LBH: variants seen among roughly 807,000 people sequenced by gnomAD.
LBH encodes protein LBH.
Under a neutral mutation model 12.5 loss-of-function variants are expected in LBH, and 7 were observed. The observed-to-expected ratio is 0.56, with a 90% confidence interval of 0.32 to 1.05. LBH has a LOEUF of 1.05. Among genes scored for constraint, LBH ranks in the 50% least tolerant of loss-of-function variants. The pLI, the probability that LBH is intolerant of heterozygous loss-of-function variation, is 0.04. For missense variants in LBH, 119 were observed against 138.9 expected (o/e 0.86, Z 0.72); for synonymous variants, 51 against 50.1 (o/e 1.02, Z -0.08).
chr2:30,232,283 G>C (rs1244582277), intron 1 of LBH: 63 of 1,482,854 alleles, frequency 4.2e-5, no homozygotes, highest in Non-Finnish European at 9.0e-7. Context: ...CCCCACTAAA[G>C]CCACAAGCAG....
intron 2 of LBH, among the ~76,000 whole-genome samples, chr2:30,237,490 G>A (rs1677710053): frequency 1.3e-5 from 2 of 152,080 alleles, no homozygotes; most frequent in Non-Finnish European, 2.9e-5. Flanking sequence ...TGAAGGCAAG[G>A]GAGGACTTAT....
At chr2:30,247,796 T>C (rs1677900691) in intron 2 of LBH, among the ~76,000 whole-genome samples, 2 of 152,252 alleles carry the variant, frequency 1.3e-5, no homozygotes, top group South Asian at 4.1e-4. Flanking sequence ...TTTTTTTGTT[T>C]GCTTGCTTTC....
At chr2:30,252,168 G>T (rs1367643013) in intron 2 of LBH, among the ~76,000 whole-genome samples, 1 of 152,078 alleles carries the variant, frequency 6.6e-6, no homozygotes, top group Non-Finnish European at 1.5e-5. Flanking sequence ...TCATGGGGGC[G>T]GTTACTCTCA....
chr2:30,233,529 G>A (rs188013915), intron 1 of LBH, among the ~76,000 whole-genome samples: 1 of 152,354 alleles, frequency 6.6e-6, no homozygotes, highest in East Asian at 1.9e-4. Flanking sequence ...AAAGCATTGG[G>A]TGCTGTGTAG....
intron 2 of LBH, among the ~76,000 whole-genome samples, chr2:30,241,396 A>C (rs1047075289): frequency 6.6e-6 from 1 of 151,164 alleles, no homozygotes; most frequent in Non-Finnish European, 1.5e-5. Flanking sequence ...TTTTATGCTT[A>C]CTTTTCCAAT....
At chr2:30,241,222 G>A (rs987396213) in intron 2 of LBH, among the ~76,000 whole-genome samples, 14 of 152,112 alleles carry the variant, frequency 9.2e-5, no homozygotes, top group African/African-American at 2.4e-4. Flanking sequence ...TGGTGCCAGC[G>A]CACATCCACT....
chr2:30,234,668 T>G (rs888588694), intron 2 of LBH, among the ~76,000 whole-genome samples, 161 bp downstream of exon 2: 5 of 152,258 alleles, frequency 3.3e-5, no homozygotes, highest in East Asian at 3.9e-4. Flanking sequence ...ATCTGTAAAA[T>G]GGGGCAACAA....
chr2:30,232,259 C>A, intron 1 of LBH: 2 of 1,516,578 alleles, frequency 1.3e-6, no homozygotes, highest in South Asian at 1.2e-5. Flanking sequence ...GGGAAACGCT[C>A]TCCCCACACG....
intron 1 of LBH, chr2:30,232,188 C>T (rs1173531237): frequency 1.3e-6 from 2 of 1,534,606 alleles, no homozygotes; most frequent in South Asian, 1.2e-5. Flanking sequence ...TCGAGGCCGG[C>T]AGCAGCGGGG....
intron 2 of LBH, among the ~76,000 whole-genome samples, chr2:30,239,633 A>G (rs1215352065): frequency 1.3e-5 from 2 of 151,744 alleles, no homozygotes; most frequent in African/African-American, 4.8e-5. Flanking sequence ...GATTGCAACA[A>G]CTTTCTTTTC....
intron 2 of LBH, among the ~76,000 whole-genome samples, chr2:30,252,675 AC>A (rs980962373): frequency 6.6e-6 from 1 of 151,508 alleles, no homozygotes; most frequent in African/African-American, 2.4e-5. Context: ...AAAAAAAAAA[AC>A]CTCTTTCCTT....
At chr2:30,248,248 G>A (rs571173272) in intron 2 of LBH, among the ~76,000 whole-genome samples, 28 of 152,288 alleles carry the variant, frequency 1.8e-4, no homozygotes, top group African/African-American at 6.7e-4. Context: ...GACGTCTTGC[G>A]TGGGGCAAAA....
intron 2 of LBH, among the ~76,000 whole-genome samples, chr2:30,237,231 A>G (rs949134500): frequency 3.9e-5 from 6 of 152,230 alleles, no homozygotes; most frequent in African/African-American, 1.4e-4. Flanking sequence ...AGGAGACATC[A>G]ATCCAGACTT....
intron 1 of LBH, chr2:30,232,216 C>A: frequency 6.7e-7 from 1 of 1,492,764 alleles, no homozygotes; most frequent in Non-Finnish European, 8.9e-7. Flanking sequence ...GGTGCGGCCG[C>A]AGGGTTTGCA....
At position 30,250,468 on chromosome 2, in the gene LBH, T is replaced by C. The variant is rs538108835; in HGVS notation, c.130-6965T>C. On this transcript the variant is annotated intron_variant, in intron 2 of 2. Transcript: ENST00000395323. ...TCGGCTCTTTGCAGAGCCCTCGGCC[T>C]CTTTGTGGCCAGCTTGGGTTGTTTG... 3.3e-5 allele frequency among the ~76,000 whole-genome samples: 5 copies of C among 151,838 alleles called. No individual in the cohort carries two copies. In the South Asian group the frequency reaches 8.5e-4, roughly 26 times the overall value.
intron 1 of LBH, chr2:30,233,279 A>G (rs1036009440): frequency 6.6e-6 from 1 of 152,290 alleles, no homozygotes; most frequent in African/African-American, 2.4e-5. Context: ...GCATCAGAGT[A>G]ACAGACAAAC....
rs1678114802 is a variant in LBH at position 30,257,874 on chromosome 2, A to T, written c.*253A>T. The T allele has an allele frequency of 1.3e-4, 43 of 329,136 alleles. No homozygotes were observed. Among genetic ancestry groups the T allele is most frequent in the East Asian group, 3.2e-4 (5 of 15,526 alleles). 20.4% of individuals were successfully genotyped at this position (329,136 alleles called of 1,614,324 possible). ...CTGAGAAAGGAAGCTGCTTAGAGCC[A>T]GGGGGTTAGTGGGTGAGGGGAGCGA... On this transcript the variant is annotated 3_prime_UTR_variant, in exon 3 of 3. Transcript: ENST00000395323.
chr2:30,254,572 TCTC>T (rs1183188230), intron 2 of LBH, among the ~76,000 whole-genome samples: 1 of 149,658 alleles, frequency 6.7e-6, no homozygotes, highest in Non-Finnish European at 1.5e-5. Context: ...TTCCCACCCC[TCTC>T]CTCCTCTTCG....
At chr2:30,241,339 CTG>C (rs1206897066) in intron 2 of LBH, among the ~76,000 whole-genome samples, 1 of 152,000 alleles carries the variant, frequency 6.6e-6, no homozygotes, top group Non-Finnish European at 1.5e-5. Context: ...CCCTTTCCCT[CTG>C]TTGGCAATTT....
Sources: gnomAD v4.1 joint callset for allele counts (sites outside exome capture counted in the v4.1 genomes callset) on GRCh38, gnomAD v4.1.1 for gene constraint, MANE v1.5 for transcripts, NCBI Gene and HGNC (gene_info 2026-07-23, HGNC 2026-07-21) for gene names.